The following DKK4 variants were observed in gnomAD, a reference collection of about 807,000 sequenced individuals.
The protein encoded by DKK4 is dickkopf-related protein 4.
A neutral mutation model predicts 14.5 loss-of-function variants in DKK4; 15 were observed. That is an observed-to-expected ratio of 1.03 (90% CI 0.69 to 1.59). DKK4 has a LOEUF of 1.59. Ranked by LOEUF, DKK4 falls within the 40% of genes most tolerant of loss-of-function variation. DKK4 has a pLI of 0.00. For synonymous variants in DKK4, 89 were observed against 105.2 expected (o/e 0.85, Z 0.94); for missense variants, 272 against 280.3 (o/e 0.97, Z 0.21).
rs528468471 is a variant in DKK4, at chr8:42,376,825, C to G, written c.111+110G>C. 1.9e-5 allele frequency: 17 copies of G among 876,402 alleles called. 1 individual carries two copies. The South Asian group carries it at 2.6e-4, about 14-fold the overall frequency. 54.3% of individuals were successfully genotyped at this position (876,402 alleles called of 1,614,324 possible). On this transcript the variant is annotated intron_variant, in intron 1 of 3. Coordinates refer to ENST00000220812, the MANE Select transcript of DKK4 (RefSeq NM_014420.3). The stretch of plus-strand genomic sequence containing the variant: ...CAAATCCGAAACCAATTCAATTTAC[C>G]TGCTAGGTAAGACATTTCATACATG...
rs199834183 is a variant in DKK4, at chr8:42,376,917, C to T, written c.111+18G>A. On this transcript the variant is annotated intron_variant, in intron 1 of 3. Coordinates refer to ENST00000220812, the MANE Select transcript of DKK4 (RefSeq NM_014420.3). The stretch of plus-strand genomic sequence containing the variant: ...TGTCAGCAGTCCCGTACCTCGCCCC[C>T]CTCCCTAGCAGCCTTACCTTCCGGG... 3 of 1,607,524 alleles carry T rather than the reference C, an allele frequency of 1.9e-6. No homozygotes were observed. Among genetic ancestry groups the T allele is most frequent in the African/African-American group, 2.7e-5 (2 of 74,792 alleles).
At chr8:42,381,344 C>T (rs765518406), upstream of DKK4, among the ~76,000 whole-genome samples, 2 of 152,092 alleles carry the variant, frequency 1.3e-5, no homozygotes, top group Non-Finnish European at 2.9e-5. Context: ...AAGCTGTCCG[C>T]ACAATCAACT....
chr8:42,383,977 T>C, the DKK4 span, among the ~76,000 whole-genome samples: 1 of 152,112 alleles, frequency 6.6e-6, no homozygotes, highest in African/African-American at 2.4e-5. Flanking sequence ...TGTCCATTTG[T>C]GCCTTCCTAG....
the DKK4 span, among the ~76,000 whole-genome samples, chr8:42,389,278 C>T: frequency 1.3e-5 from 2 of 152,182 alleles, no homozygotes; most frequent in African/African-American, 4.8e-5. Context: ...CACTACAATC[C>T]TGAGTAGATA....
the DKK4 span, among the ~76,000 whole-genome samples, chr8:42,390,492 T>C: frequency 6.7e-6 from 1 of 149,102 alleles, no homozygotes; most frequent in Non-Finnish European, 1.5e-5. Flanking sequence ...GCCTCCCGAG[T>C]AGCTGGGACT....
upstream of DKK4, among the ~76,000 whole-genome samples, chr8:42,378,914 C>G (rs887844481): frequency 8.9e-5 from 12 of 134,846 alleles, no homozygotes; most frequent in Non-Finnish European, 1.5e-4. Context: ...CAAGACGAGC[C>G]TGGGCAACAT....
chr8:42,376,100 A>G (rs1284169168), intron 1 of DKK4, among the ~76,000 whole-genome samples: 1 of 152,200 alleles, frequency 6.6e-6, no homozygotes, highest in Non-Finnish European at 1.5e-5. Context: ...TGAAAATGGG[A>G]AAAAATGTTT....
At chr8:42,379,378 T>TATAGAGAG (rs1166847600), upstream of DKK4, among the ~76,000 whole-genome samples, 7 of 34,556 alleles carry the variant, frequency 2.0e-4, no homozygotes, top group Admixed American at 3.8e-4. Context: ...TATATATATA[T>TATAGAGAG]AGAGAGAGAG....
chr8:42,388,697 A>C, the DKK4 span, among the ~76,000 whole-genome samples: 3 of 151,252 alleles, frequency 2.0e-5, no homozygotes, highest in Non-Finnish European at 4.4e-5. Flanking sequence ...CAGCCTCCCG[A>C]GTAGCTGGGA....
intron 3 of DKK4, 64 bp downstream of exon 3, chr8:42,374,697 C>T: frequency 1.2e-6 from 2 of 1,601,376 alleles, no homozygotes; most frequent in South Asian, 2.2e-5. Flanking sequence ...TCACCCTATC[C>T]TTAAGAGGCT....
chr8:42,374,144 G>T lies in DKK4; in HGVS notation c.631C>A (p.Gln211Lys). 2 of 1,612,876 alleles carry T rather than the reference G, an allele frequency of 1.2e-6. No individual in the cohort carries two copies. Among genetic ancestry groups the T allele is most frequent in the Non-Finnish European group, 1.7e-6 (2 of 1,179,978 alleles). The change falls in exon 4 of 4, where the codon CAG (glutamine) becomes AAG (lysine). Residue 211 changes from glutamine (Q) to lysine (K), a missense_variant. Gln to Lys is a moderately conservative substitution (Grantham distance 53). Coordinates refer to ENST00000220812, the MANE Select transcript of DKK4 (RefSeq NM_014420.3). ...LCRSQLTSNR[Q>K]HARLRVCQKI... Reference sequence around the variant, plus strand: ...TGGCATACTCTTAATCGAGCATGCTGCCGATTGCTGGTCAATTGGCTTCGA... The same window carrying T: ...TGGCATACTCTTAATCGAGCATGCTTCCGATTGCTGGTCAATTGGCTTCGA...
the DKK4 span, among the ~76,000 whole-genome samples, chr8:42,391,138 A>G: frequency 6.6e-6 from 1 of 152,126 alleles, no homozygotes; most frequent in Admixed American, 6.5e-5. Context: ...GGGATCTTGA[A>G]TCAATCACTT....
upstream of DKK4, among the ~76,000 whole-genome samples, chr8:42,381,322 G>A (rs1244668555): frequency 2.0e-5 from 3 of 152,148 alleles, no homozygotes; most frequent in Admixed American, 2.0e-4. Flanking sequence ...GGATAAGAGG[G>A]TGCCTTGAGA....
chr8:42,387,891 A>T, the DKK4 span, among the ~76,000 whole-genome samples: 1 of 152,120 alleles, frequency 6.6e-6, no homozygotes, highest in Non-Finnish European at 1.5e-5. Context: ...AATTTCCATT[A>T]AAAAAATTTT....
At chr8:42,374,447 T>C in intron 3 of DKK4, 88 bp from the exon 4 acceptor site, 5 of 1,529,500 alleles carry the variant, frequency 3.3e-6, no homozygotes, top group South Asian at 1.2e-5. Flanking sequence ...ATGGGACCTA[T>C]GACTGACAGC....
rs565991423 is a variant in DKK4, at chr8:42,375,808, G to T, written c.134C>A (p.Thr45Lys). ...ARKGSQCLSD[T>K]DCNTRKFCLQ... ...GCAGAACTTTCTGGTATTGCAGTCC[G>T]TGTCAGACAGGCACTGTGAGCCCTG... The change falls in exon 2 of 4, where the codon ACG (threonine) becomes AAG (lysine). Residue 45 changes from threonine (T) to lysine (K), a missense_variant. Transcript: ENST00000220812. 9 of 1,613,956 alleles carry T rather than the reference G, an allele frequency of 5.6e-6. No individual in the cohort carries two copies. The highest frequency in any genetic ancestry group is 7.6e-6 in the Non-Finnish European group (9 of 1,180,002).
At chr8:42,387,344 C>CTT in the DKK4 span, among the ~76,000 whole-genome samples, 942 of 44,914 alleles carry the variant, frequency 0.021, 296 homozygotes, top group Non-Finnish European at 0.031. Flanking sequence ...GAAGGCCAGT[C>CTT]TTTTTTTTTT....
chr8:42,379,754 A>T (rs533354568), upstream of DKK4, among the ~76,000 whole-genome samples: 209 of 152,160 alleles, frequency 1.4e-3, 1 homozygote, highest in South Asian at 0.013. Flanking sequence ...TGTGTGCAAG[A>T]GGGAGGAGGT....
intron 1 of DKK4, 103 bp from the exon 2 acceptor site, chr8:42,375,933 G>T (rs577161134): frequency 2.1e-6 from 3 of 1,417,034 alleles, no homozygotes; most frequent in Admixed American, 2.1e-5. Context: ...GGACAGTGGC[G>T]CTGTGACAAA....
Sources: allele counts gnomAD v4.1 joint callset (sites outside exome capture counted in the v4.1 genomes callset), GRCh38; gene constraint gnomAD v4.1.1; transcripts MANE v1.5; gene names NCBI Gene and HGNC (gene_info 2026-07-23, HGNC 2026-07-21).